Variants in MSRA observed in about 807,000 individuals in gnomAD.
MSRA encodes the protein mitochondrial peptide methionine sulfoxide reductase.
Under a neutral mutation model 31.3 loss-of-function variants are expected in MSRA, and 54 were observed. The observed-to-expected ratio is 1.73, with a 90% CI of 1.39 to 2.17. The LOEUF is 2.17. Among genes scored for constraint, MSRA ranks in the 30% most tolerant of loss-of-function variants. MSRA has a pLI of 0.00. For missense variants in MSRA, 507 were observed against 300.9 expected (o/e 1.69, Z -5.07); for synonymous variants, 169 against 116.5 (o/e 1.45, Z -2.90).
At chr8:10,344,618 A>T (rs1031667118) in intron 5 of MSRA, among the ~76,000 whole-genome samples, 1 of 148,452 alleles carries the variant, frequency 6.7e-6, no homozygotes, top group Non-Finnish European at 1.5e-5. Context: ...GCCATTTCCA[A>T]TGGCCTTGAC....
At chr8:10,098,840 C>G (rs1330220758) in intron 1 of MSRA, among the ~76,000 whole-genome samples, 1 of 152,230 alleles carries the variant, frequency 6.6e-6, no homozygotes, top group Non-Finnish European at 1.5e-5. Context: ...CCACTGCTCA[C>G]ATGCTAGATC....
chr8:10,257,245 G>C (rs1340731517), intron 3 of MSRA, among the ~76,000 whole-genome samples: 1 of 152,074 alleles, frequency 6.6e-6, no homozygotes, highest in Non-Finnish European at 1.5e-5. Context: ...GGAAGTAAGA[G>C]GAAGATGACA....
chr8:10,115,432 C>T (rs190985781), intron 1 of MSRA, among the ~76,000 whole-genome samples: 14 of 152,300 alleles, frequency 9.2e-5, no homozygotes, highest in Admixed American at 3.3e-4. Flanking sequence ...AGGAAAGATC[C>T]TTTCCTAGCA....
At chr8:10,056,951 G>C (rs995602053) in intron 1 of MSRA, among the ~76,000 whole-genome samples, 1 of 152,168 alleles carries the variant, frequency 6.6e-6, no homozygotes, top group African/African-American at 2.4e-5. Flanking sequence ...TATCAGGTGT[G>C]TACCATTACC....
chr8:10,278,149 T>C (rs558806934), intron 3 of MSRA, among the ~76,000 whole-genome samples: 102 of 152,332 alleles, frequency 6.7e-4, no homozygotes, highest in Admixed American at 1.6e-3. Context: ...GTGGTGGTTC[T>C]TCTGGACTGA....
At chr8:10,324,192 C>G (rs1802227502) in intron 5 of MSRA, among the ~76,000 whole-genome samples, 3 of 152,218 alleles carry the variant, frequency 2.0e-5, no homozygotes, top group South Asian at 2.1e-4. Flanking sequence ...GGCTCACTGG[C>G]TCAGTTCCTC....
intron 1 of MSRA, among the ~76,000 whole-genome samples, chr8:10,163,236 C>G (rs1299839370): frequency 6.6e-6 from 1 of 152,204 alleles, no homozygotes; most frequent in East Asian, 1.9e-4. Context: ...GCCACCCAGT[C>G]TGTGGCAGTT....
At chr8:10,302,814 A>G (rs1009676191) in intron 4 of MSRA, among the ~76,000 whole-genome samples, 1 of 152,190 alleles carries the variant, frequency 6.6e-6, no homozygotes, top group African/African-American at 2.4e-5. Flanking sequence ...GGGAATGGGT[A>G]CCTGGTGGAA....
chr8:10,337,324 C>T (rs1386772064), intron 5 of MSRA, among the ~76,000 whole-genome samples: 5 of 152,194 alleles, frequency 3.3e-5, no homozygotes, highest in South Asian at 2.1e-4. Flanking sequence ...GGACTACAGG[C>T]GCCCGCCACC....
At chr8:10,209,498 G>C (rs954445079) in intron 2 of MSRA, among the ~76,000 whole-genome samples, 2 of 152,324 alleles carry the variant, frequency 1.3e-5, no homozygotes, top group Middle Eastern at 3.4e-3. Context: ...CAGGGAATGA[G>C]GCTCTGTGGC....
intron 5 of MSRA, among the ~76,000 whole-genome samples, chr8:10,418,744 G>A (rs7837875): frequency 0.031 from 4,479 of 142,622 alleles, 143 homozygotes; most frequent in Middle Eastern, 0.11. Context: ...ACAACAAAGT[G>A]AAGGTACTTA....
chr8:10,419,634 A>T (rs940265850), intron 5 of MSRA, among the ~76,000 whole-genome samples: 3 of 152,148 alleles, frequency 2.0e-5, no homozygotes, highest in African/African-American at 7.2e-5. Context: ...TGGTGCTTAA[A>T]ACGCAAATGC....
At chr8:10,131,296 C>T (rs772558452) in intron 1 of MSRA, among the ~76,000 whole-genome samples, 5 of 152,260 alleles carry the variant, frequency 3.3e-5, no homozygotes, top group East Asian at 1.9e-4. Context: ...ATGGAAATTT[C>T]GCCACAGAAG....
At chr8:10,078,892 G>C (rs1372405166) in intron 1 of MSRA, among the ~76,000 whole-genome samples, 2 of 152,218 alleles carry the variant, frequency 1.3e-5, no homozygotes, top group Non-Finnish European at 2.9e-5. Context: ...AACAAGGTTT[G>C]TCTTGAATGG....
At chr8:10,118,433 C>G (rs1303071386) in intron 1 of MSRA, among the ~76,000 whole-genome samples, 1 of 152,158 alleles carries the variant, frequency 6.6e-6, no homozygotes, top group African/African-American at 2.4e-5. Flanking sequence ...ACCTCTGTAT[C>G]TGCTTTATAA....
chr8:10,397,579 C>A (rs1441382283), intron 5 of MSRA, among the ~76,000 whole-genome samples: 2 of 152,224 alleles, frequency 1.3e-5, no homozygotes, highest in African/African-American at 4.8e-5. Context: ...CCACATCTTT[C>A]ATTGGTCTTC....
intron 5 of MSRA, among the ~76,000 whole-genome samples, chr8:10,407,984 A>T (rs571085265): frequency 6.6e-6 from 1 of 152,192 alleles, no homozygotes; most frequent in Non-Finnish European, 1.5e-5. Flanking sequence ...AAGAAGAACC[A>T]ATAGGTATAA....
At chr8:10,418,838 A>AAAAAAAAC (rs1563459639) in intron 5 of MSRA, among the ~76,000 whole-genome samples, 2 of 69,424 alleles carry the variant, frequency 2.9e-5, no homozygotes, top group African/African-American at 8.9e-5. Context: ...AAAAAAAAAA[A>AAAAAAAAC]CCAACAAAAA....
At chr8:10,222,124 C>G (rs1343832647) in intron 2 of MSRA, among the ~76,000 whole-genome samples, 1 of 151,288 alleles carries the variant, frequency 6.6e-6, no homozygotes, top group African/African-American at 2.4e-5. Context: ...TTGAAGATGG[C>G]ATATTTAGGT....
Sources: allele counts gnomAD v4.1 joint callset (sites outside exome capture counted in the v4.1 genomes callset), GRCh38; gene constraint gnomAD v4.1.1; transcripts MANE v1.5; gene names NCBI Gene and HGNC (gene_info 2026-07-23, HGNC 2026-07-21).